EXOC4: variants seen among roughly 807,000 people sequenced by gnomAD.
EXOC4 encodes SEC8-like 1.
A neutral mutation model predicts 107.2 loss-of-function variants in EXOC4; 71 were observed. That is an observed-to-expected ratio of 0.66 (90% CI 0.55 to 0.81). The LOEUF is 0.81. Among genes scored for constraint, EXOC4 ranks in the 30% least tolerant of loss-of-function variants. The pLI is 0.00. For synonymous variants in EXOC4, 456 were observed against 441.2 expected (o/e 1.03, Z -0.42); for missense variants, 1,108 against 1,189.6 (o/e 0.93, Z 1.01).
chr7:133,606,496 TTTATTA>T (rs538187978), intron 9 of EXOC4, among the ~76,000 whole-genome samples: 1 of 147,342 alleles, frequency 6.8e-6, no homozygotes, highest in Non-Finnish European at 1.5e-5. Context: ...TTTGCTGCTG[TTTATTA>T]TTATTATTAT....
intron 4 of EXOC4, among the ~76,000 whole-genome samples, chr7:133,311,048 G>A (rs1004651574): frequency 2.0e-5 from 3 of 152,134 alleles, no homozygotes; most frequent in Non-Finnish European, 4.4e-5. Context: ...AAAGGTACAT[G>A]CTCACATACA....
chr7:133,485,098 T>TA lies in EXOC4; in HGVS notation c.1417+4963dup, dbSNP rs1563083528. ...CCGTCTCAAAAAATAAATAAATAAA[T>TA]AAATAAATAAATAAATAAATAATTA... On this transcript the variant is annotated intron_variant, in intron 9 of 17. Coordinates refer to ENST00000253861, the MANE Select transcript of EXOC4 (RefSeq NM_021807.4). Among the ~76,000 whole-genome samples the TA allele has an allele frequency of 1.3e-3, 168 of 129,232 alleles. 7 individuals are homozygous for TA. Among genetic ancestry groups the TA allele is most frequent in the South Asian group, 5.7e-3 (24 of 4,230 alleles). The allele number at this position is 129,232 out of a possible 152,430, so 84.8% of individuals were successfully genotyped here.
At chr7:133,810,114 G>A (rs548511278) in intron 10 of EXOC4, among the ~76,000 whole-genome samples, 1 of 152,290 alleles carries the variant, frequency 6.6e-6, no homozygotes, top group Non-Finnish European at 1.5e-5. Flanking sequence ...GGATATGAAT[G>A]TAAGGAATAC....
intron 10 of EXOC4, among the ~76,000 whole-genome samples, chr7:133,766,702 G>A (rs1796144884): frequency 6.6e-6 from 1 of 151,972 alleles, no homozygotes; most frequent in African/African-American, 2.4e-5. Flanking sequence ...AAGAGAGAGG[G>A]AGGAAATTAT....
At chr7:133,803,127 A>G (rs762487541) in intron 10 of EXOC4, among the ~76,000 whole-genome samples, 4 of 152,228 alleles carry the variant, frequency 2.6e-5, no homozygotes, top group Non-Finnish European at 4.4e-5. Flanking sequence ...TATGAATACT[A>G]TCATATTTAA....
At chr7:133,364,486 T>G (rs1796207963) in intron 6 of EXOC4, among the ~76,000 whole-genome samples, 1 of 152,000 alleles carries the variant, frequency 6.6e-6, no homozygotes, top group Non-Finnish European at 1.5e-5. Flanking sequence ...ATAAGGTCAT[T>G]TAGTGGAAGT....
intron 11 of EXOC4, among the ~76,000 whole-genome samples, chr7:133,872,708 G>A (rs1798775264): frequency 6.6e-6 from 1 of 152,152 alleles, no homozygotes; most frequent in Non-Finnish European, 1.5e-5. Context: ...GGGAACTGTG[G>A]TAATTTTATG....
chr7:133,561,576 T>G (rs1162613949), intron 9 of EXOC4, among the ~76,000 whole-genome samples: 1 of 152,248 alleles, frequency 6.6e-6, no homozygotes, highest in Non-Finnish European at 1.5e-5. Flanking sequence ...CTCACTGAGC[T>G]GGAATGCTGA....
At chr7:133,464,230 T>C (rs1206373972) in intron 7 of EXOC4, among the ~76,000 whole-genome samples, 1 of 152,246 alleles carries the variant, frequency 6.6e-6, no homozygotes, top group African/African-American at 2.4e-5. Context: ...GTTTGTTACA[T>C]AGGTAAACGT....
intron 11 of EXOC4, among the ~76,000 whole-genome samples, chr7:133,825,697 G>A (rs758176775): frequency 6.6e-6 from 1 of 152,124 alleles, no homozygotes; most frequent in Non-Finnish European, 1.5e-5. Context: ...CATTTGAGTG[G>A]CATTTGCATC....
chr7:133,981,429 A>G (rs1793975643), intron 14 of EXOC4, among the ~76,000 whole-genome samples: 2 of 152,322 alleles, frequency 1.3e-5, no homozygotes, highest in Admixed American at 6.5e-5. Context: ...CAACCCCATA[A>G]AAAAGTGGGC....
intron 17 of EXOC4, among the ~76,000 whole-genome samples, chr7:134,039,713 A>G (rs746097312): frequency 1.2e-4 from 18 of 152,144 alleles, no homozygotes; most frequent in Admixed American, 4.6e-4. Context: ...ACTATACTGA[A>G]GAGTTTACAT....
intron 12 of EXOC4, among the ~76,000 whole-genome samples, chr7:133,908,629 G>A (rs910535431): frequency 6.6e-6 from 1 of 152,178 alleles, no homozygotes; most frequent in Admixed American, 6.5e-5. Flanking sequence ...AGTAATAATA[G>A]TACCTACCAC....
chr7:133,358,183 C>T (rs529775187), intron 6 of EXOC4, among the ~76,000 whole-genome samples: 1 of 151,876 alleles, frequency 6.6e-6, no homozygotes, highest in South Asian at 2.1e-4. Flanking sequence ...GAAACTTCAT[C>T]TCAAACAAAC....
chr7:133,740,830 G>C (rs1021935730), intron 10 of EXOC4, among the ~76,000 whole-genome samples: 1 of 152,122 alleles, frequency 6.6e-6, no homozygotes, highest in African/African-American at 2.4e-5. Flanking sequence ...GGTTCTCATG[G>C]GAATGATGAC....
At chr7:133,916,913 T>C (rs895247562) in intron 12 of EXOC4, among the ~76,000 whole-genome samples, 1 of 152,234 alleles carries the variant, frequency 6.6e-6, no homozygotes, top group African/African-American at 2.4e-5. Context: ...AAGATGAATT[T>C]ACAGGTAACA....
At chr7:133,988,560 A>C (rs991115523) in intron 14 of EXOC4, among the ~76,000 whole-genome samples, 1 of 152,156 alleles carries the variant, frequency 6.6e-6, no homozygotes, top group East Asian at 1.9e-4. Context: ...AGGGAGACAT[A>C]GTTAATGGAA....
At chr7:133,597,576 CCCAAAAAAAAAA>C (rs1192189454) in intron 9 of EXOC4, among the ~76,000 whole-genome samples, 3 of 126,548 alleles carry the variant, frequency 2.4e-5, no homozygotes, top group South Asian at 2.6e-4. Flanking sequence ...AAAAAAAAAA[CCCAAAAAAAAAA>C]CCCCGAATCC....
At chr7:133,926,676 GAATGAAACATAAA>G (rs1318706445) in intron 13 of EXOC4, among the ~76,000 whole-genome samples, 2 of 152,118 alleles carry the variant, frequency 1.3e-5, no homozygotes, top group East Asian at 3.8e-4. Flanking sequence ...GAAGATGGGG[GAATGAAACATAAA>G]AATGATATAA....
Sources: allele counts gnomAD v4.1 joint callset (sites outside exome capture counted in the v4.1 genomes callset), GRCh38; gene constraint gnomAD v4.1.1; transcripts MANE v1.5; gene names NCBI Gene and HGNC (gene_info 2026-07-23, HGNC 2026-07-21).